GLYR1: variants seen among roughly 807,000 people sequenced by gnomAD.
GLYR1 encodes the protein cytokine-like nuclear factor N-PAC.
In GLYR1, 21 loss-of-function variants were observed where a neutral mutation model predicts 72.7. The ratio of observed to expected loss-of-function variants is 0.29; its 90% CI spans 0.20 to 0.42. The LOEUF is 0.42. Among genes scored for constraint, GLYR1 ranks in the 10% least tolerant of loss-of-function variants. GLYR1 has a pLI of 1.00. For missense variants in GLYR1, 594 were observed against 712.1 expected (o/e 0.83, Z 1.89); for synonymous variants, 392 against 270.2 (o/e 1.45, Z -4.42).
chr16:4,823,631 T>G (rs927469927), intron 6 of GLYR1, among the ~76,000 whole-genome samples, 190 bp downstream of exon 6: 6 of 151,976 alleles, frequency 3.9e-5, no homozygotes, highest in African/African-American at 1.5e-4. Flanking sequence ...CTGAAATCCG[T>G]CACCTCGAGC....
intron 10 of GLYR1, among the ~76,000 whole-genome samples, chr16:4,817,035 C>T (rs1172672570): frequency 4.6e-5 from 7 of 151,662 alleles, no homozygotes; most frequent in African/African-American, 1.7e-4. Context: ...CCTCTGCCTC[C>T]CACATTCAAG....
At chr16:4,838,005 A>G (rs1484424615) in intron 3 of GLYR1, among the ~76,000 whole-genome samples, 1 of 152,082 alleles carries the variant, frequency 6.6e-6, no homozygotes, top group East Asian at 1.9e-4. Context: ...GTGAGAACAA[A>G]GATGGGGCCA....
At chr16:4,827,830 G>A (rs923412084) in intron 5 of GLYR1, among the ~76,000 whole-genome samples, 8 of 151,910 alleles carry the variant, frequency 5.3e-5, no homozygotes, top group African/African-American at 1.7e-4. Context: ...AACCCAGGAG[G>A]CGGAGCTTGC....
chr16:4,823,949 C>A, intron 5 of GLYR1, 42 bp from the exon 6 acceptor site: 3 of 1,528,548 alleles, frequency 2.0e-6, no homozygotes, highest in South Asian at 2.2e-5. Flanking sequence ...CACATTCAAA[C>A]CCCAACAAAA....
intron 15 of GLYR1, 73 bp from the exon 16 acceptor site, chr16:4,805,383 C>A: frequency 1.5e-6 from 2 of 1,315,108 alleles, no homozygotes; most frequent in Middle Eastern, 1.8e-4. Flanking sequence ...TTCCTGGAGG[C>A]AGTGGTGGAT....
At chr16:4,827,334 C>G (rs536717876) in intron 5 of GLYR1, among the ~76,000 whole-genome samples, 2 of 152,140 alleles carry the variant, frequency 1.3e-5, no homozygotes, top group Non-Finnish European at 2.9e-5. Flanking sequence ...TAAAACACAC[C>G]AAAATTCCAA....
At chr16:4,830,114 T>C (rs1327897452) in intron 5 of GLYR1, among the ~76,000 whole-genome samples, 2 of 151,720 alleles carry the variant, frequency 1.3e-5, no homozygotes, top group Non-Finnish European at 2.9e-5. Context: ...AATTTTTTAG[T>C]TTTTGTAGAG....
At chr16:4,834,855 G>C (rs2085033453) in intron 3 of GLYR1, among the ~76,000 whole-genome samples, 1 of 152,078 alleles carries the variant, frequency 6.6e-6, no homozygotes, top group Non-Finnish European at 1.5e-5. Flanking sequence ...AGGAGATTTC[G>C]ACCCCAGATT....
chr16:4,840,598 C>T (rs146376569), intron 3 of GLYR1, among the ~76,000 whole-genome samples: 181 of 152,258 alleles, frequency 1.2e-3, no homozygotes, highest in African/African-American at 4.3e-3. Flanking sequence ...GTTTTCCATA[C>T]TTAAAGGCAT....
chr16:4,832,709 C>T (rs1420164826), intron 4 of GLYR1, 65 bp downstream of exon 4: 1 of 1,504,308 alleles, frequency 6.6e-7, no homozygotes, highest in African/African-American at 1.4e-5. Flanking sequence ...GACATTTAAT[C>T]TGTTAGTTGC....
At chr16:4,813,338 G>C (rs773746066) in intron 12 of GLYR1, among the ~76,000 whole-genome samples, 33 of 152,210 alleles carry the variant, frequency 2.2e-4, no homozygotes, top group Non-Finnish European at 4.4e-4. Context: ...CACCTCCCCT[G>C]TGGATGCTGC....
At chr16:4,831,217 C>T (rs191418540) in intron 5 of GLYR1, among the ~76,000 whole-genome samples, 1 of 152,138 alleles carries the variant, frequency 6.6e-6, no homozygotes, top group Non-Finnish European at 1.5e-5. Flanking sequence ...TCTTTGCTTG[C>T]AACATTTGCA....
At chr16:4,842,302 G>T (rs1359232126) in intron 3 of GLYR1, among the ~76,000 whole-genome samples, 2 of 151,612 alleles carry the variant, frequency 1.3e-5, no homozygotes, top group Non-Finnish European at 2.9e-5. Context: ...CATCTCTTCA[G>T]TCAGTCTTCT....
intron 5 of GLYR1, among the ~76,000 whole-genome samples, chr16:4,824,914 C>G (rs910395509): frequency 6.6e-6 from 1 of 152,146 alleles, no homozygotes; most frequent in Non-Finnish European, 1.5e-5. Flanking sequence ...TTAGAAAACG[C>G]CTGCTCCATT....
intron 3 of GLYR1, among the ~76,000 whole-genome samples, chr16:4,837,977 A>G (rs2085271305): frequency 6.6e-6 from 1 of 151,644 alleles, no homozygotes; most frequent in Non-Finnish European, 1.5e-5. Context: ...ATAAATAAAG[A>G]TAAGAATAAA....
intron 10 of GLYR1, 32 bp downstream of exon 10, chr16:4,817,566 C>T (rs371462218): frequency 2.2e-4 from 301 of 1,376,916 alleles, no homozygotes; most frequent in Non-Finnish European, 3.0e-4. Flanking sequence ...CAGACTCCAC[C>T]GATCCAACAG....
intron 15 of GLYR1, among the ~76,000 whole-genome samples, chr16:4,809,914 ACT>A (rs1425024133): frequency 1.3e-5 from 2 of 151,912 alleles, no homozygotes; most frequent in Non-Finnish European, 2.9e-5. Context: ...AAAGAGCAAA[ACT>A]CTGTCTCCAA....
intron 5 of GLYR1, among the ~76,000 whole-genome samples, chr16:4,824,315 C>T (rs770845568): frequency 6.6e-6 from 1 of 151,868 alleles, no homozygotes; most frequent in African/African-American, 2.4e-5. Flanking sequence ...GAGATCGAGA[C>T]CAGCCTGGCC....
At chr16:4,807,893 TGAAATAA>T (rs1165797444) in intron 15 of GLYR1, among the ~76,000 whole-genome samples, 1 of 152,182 alleles carries the variant, frequency 6.6e-6, no homozygotes, top group Non-Finnish European at 1.5e-5. Flanking sequence ...GAAAGAGTCA[TGAAATAA>T]GTACTCTGAA....
Sources: gnomAD v4.1 joint callset for allele counts (sites outside exome capture counted in the v4.1 genomes callset) on GRCh38, gnomAD v4.1.1 for gene constraint, MANE v1.5 for transcripts, NCBI Gene and HGNC (gene_info 2026-07-23, HGNC 2026-07-21) for gene names.